Variants in MAN1C1 observed in about 807,000 individuals in gnomAD.
MAN1C1 encodes mannosidase alpha class 1C member 1.
In MAN1C1, 49 loss-of-function variants were observed where a neutral mutation model predicts 71.5. The observed-to-expected ratio is 0.69, with a 90% CI of 0.54 to 0.87. The LOEUF is 0.87. Among genes scored for constraint, MAN1C1 ranks in the 40% least tolerant of loss-of-function variants. MAN1C1 has a pLI of 0.00. For missense variants in MAN1C1, 743 were observed against 835.0 expected (o/e 0.89, Z 1.36); for synonymous variants, 352 against 343.7 (o/e 1.02, Z -0.27).
At chr1:25,660,176 C>T (rs142088892) in intron 1 of MAN1C1, among the ~76,000 whole-genome samples, 13,275 of 151,938 alleles carry the variant, frequency 0.087, 1,287 homozygotes, top group East Asian at 0.23. Flanking sequence ...CCAAGGTGGG[C>T]GGATCACCTG....
chr1:25,671,568 T>C (rs79720307), intron 1 of MAN1C1, among the ~76,000 whole-genome samples: 182 of 152,338 alleles, frequency 1.2e-3, no homozygotes, highest in Non-Finnish European at 2.3e-3. Context: ...TTCAGAATGC[T>C]GTTGCCTGTG....
In MAN1C1 at chr1:25,661,932, G is replaced by A. The variant is rs533827249; in HGVS notation, c.541-24508G>A. 3.9e-5 allele frequency among the ~76,000 whole-genome samples: 6 copies of A among 152,102 alleles called. No homozygotes were observed. In the South Asian group the frequency reaches 1.2e-3, roughly 32 times the overall value. On this transcript the variant is annotated intron_variant, in intron 1 of 11. Coordinates refer to ENST00000374332, the MANE Select transcript of MAN1C1 (RefSeq NM_020379.4). ...TAAACTGTAAAGCCAAATGATCTAC[G>A]GTCTCTCCCCTTGAGGAATTTTTTT...
At chr1:25,701,250 A>G (rs2046438613) in intron 2 of MAN1C1, among the ~76,000 whole-genome samples, 1 of 152,224 alleles carries the variant, frequency 6.6e-6, no homozygotes. Context: ...GCACCATGGG[A>G]AGGGTCCCTT....
intron 1 of MAN1C1, among the ~76,000 whole-genome samples, chr1:25,643,100 C>T (rs1353005305): frequency 6.6e-6 from 1 of 152,018 alleles, no homozygotes; most frequent in African/African-American, 2.4e-5. Flanking sequence ...TCCATTTCTG[C>T]CCATTCTCCC....
Position 25,618,296 on chromosome 1 carries a change from C to T in MAN1C1, c.499C>T (p.Pro167Ser), listed in dbSNP as rs1260752819. ...LGTRADESQEPQSQVRAQREK... is the reference protein window; with the variant it reads ...LGTRADESQESQSQVRAQREK... ...AACGAGGGCCGATGAGAGTCAGGAGCCCCAGAGCCAAGTGCGAGCCCAGCG... is the reference window on the plus strand; with the variant it reads ...AACGAGGGCCGATGAGAGTCAGGAGTCCCAGAGCCAAGTGCGAGCCCAGCG... The change falls in exon 1 of 12, where the codon CCC becomes TCC. Residue 167 changes from proline to serine, a missense_variant. By Grantham distance (74) the Pro-to-Ser change is moderately conservative (BLOSUM62 -1). Transcript: ENST00000374332. 2 of 1,603,344 alleles carry T rather than the reference C, an allele frequency of 1.2e-6. No homozygotes were observed. Among genetic ancestry groups the T allele is most frequent in the African/African-American group, 1.3e-5 (1 of 74,684 alleles).
In MAN1C1 at chr1:25,782,662, C is replaced by A; in HGVS notation, c.1728C>A (p.Asp576Glu). 6.2e-7 allele frequency: 1 copy of A among 1,614,100 alleles called. No individual in the cohort carries two copies. The highest frequency in any genetic ancestry group is 8.5e-7 in the Non-Finnish European group (1 of 1,179,992). Reference protein sequence around the residue: ...QDVYSSTPNHDNKQQSFFLAE... With the variant: ...QDVYSSTPNHENKQQSFFLAE... Reference sequence around the variant, plus strand: ...TGTACAGTAGCACCCCCAACCACGACAACAAGCAGCAGAGCTTCTTTCTAG... The same window carrying A: ...TGTACAGTAGCACCCCCAACCACGAAAACAAGCAGCAGAGCTTCTTTCTAG... Residue 576 changes from aspartate to glutamate, a missense_variant, in exon 11 of 12, where the codon GAC becomes GAA. Asp to Glu is a conservative substitution (Grantham distance 45). Transcript: ENST00000374332. The surrounding 1 kb of genome is among the most constrained non-coding windows in gnomAD (Gnocchi z 4.4).
chr1:25,736,676 G>A (rs72875673), intron 2 of MAN1C1, among the ~76,000 whole-genome samples: 2,713 of 152,232 alleles, frequency 0.018, 73 homozygotes, highest in African/African-American at 0.061. Flanking sequence ...ACAGGCACAT[G>A]CCCCTATGTC....
At chr1:25,718,566 CTT>C (rs540343369) in intron 2 of MAN1C1, among the ~76,000 whole-genome samples, 48 of 152,312 alleles carry the variant, frequency 3.2e-4, no homozygotes, top group Admixed American at 7.8e-4. Flanking sequence ...TAAAAAGAAA[CTT>C]TGTGCCCATC....
chr1:25,637,112 G>C (rs747453166), intron 1 of MAN1C1, among the ~76,000 whole-genome samples: 1 of 151,956 alleles, frequency 6.6e-6, no homozygotes, highest in Middle Eastern at 3.4e-3. Flanking sequence ...CTGAGATCGC[G>C]CCACTGCACT....
intron 5 of MAN1C1, among the ~76,000 whole-genome samples, chr1:25,757,287 G>C (rs1027102428): frequency 2.0e-5 from 3 of 152,184 alleles, no homozygotes; most frequent in Non-Finnish European, 4.4e-5. Context: ...AGTGTGACCA[G>C]GAGCAAGGAA....
At chr1:25,653,609 T>C (rs1008456779) in intron 1 of MAN1C1, among the ~76,000 whole-genome samples, 1 of 152,178 alleles carries the variant, frequency 6.6e-6, no homozygotes, top group Admixed American at 6.5e-5. Context: ...GGTATCAGTG[T>C]CCAGGGCCAA....
At chr1:25,657,764 C>T (rs2045788531) in intron 1 of MAN1C1, among the ~76,000 whole-genome samples, 1 of 152,202 alleles carries the variant, frequency 6.6e-6, no homozygotes. Flanking sequence ...CCCATGGGGG[C>T]TTTGGCCTCA....
intron 1 of MAN1C1, among the ~76,000 whole-genome samples, chr1:25,623,384 AGGG>A (rs2045244734): frequency 6.6e-6 from 1 of 152,106 alleles, no homozygotes; most frequent in Non-Finnish European, 1.5e-5. Flanking sequence ...CTTTAGTGTC[AGGG>A]CTAGAAACAA....
intron 1 of MAN1C1, among the ~76,000 whole-genome samples, chr1:25,682,469 C>G (rs956502281): frequency 6.6e-6 from 1 of 152,172 alleles, no homozygotes; most frequent in African/African-American, 2.4e-5. Flanking sequence ...TCCAAAAGAA[C>G]AGCCAGCCAC....
In MAN1C1 at chr1:25,771,534, G is replaced by A. The variant is rs928689790; in HGVS notation, c.1142-123G>A. The A allele has an allele frequency of 2.5e-5, 17 of 692,082 alleles. No homozygotes were observed. In the Middle Eastern group the frequency reaches 1.2e-3, roughly 49 times the overall value. 42.9% of individuals were successfully genotyped at this position (692,082 alleles called of 1,614,324 possible). A position where few individuals can be genotyped will look rare whatever the true frequency, so the allele number is the denominator to read the frequency against. ...CATTCCAGGTTCGGTGGCTGCTGGCGAGATGCCCGCTTCCTACCCGTACAG... is the reference window on the plus strand; with the variant it reads ...CATTCCAGGTTCGGTGGCTGCTGGCAAGATGCCCGCTTCCTACCCGTACAG... On this transcript the variant is annotated intron_variant, in intron 7 of 11. Coordinates refer to ENST00000374332, the MANE Select transcript of MAN1C1 (RefSeq NM_020379.4).
chr1:25,676,322 C>G (rs909129122), intron 1 of MAN1C1, among the ~76,000 whole-genome samples: 5 of 152,106 alleles, frequency 3.3e-5, no homozygotes, highest in African/African-American at 1.2e-4. Flanking sequence ...GGCAGCATCT[C>G]CCCTTCTACT....
In MAN1C1 at chr1:25,722,031, C is replaced by T. The variant is rs189444315; in HGVS notation, c.638-24637C>T. ...AAACTGAAACTCTATTCTACTCTCA[C>T]GCTTAATCGATAATTAGGCTGAATA... On this transcript the variant is annotated intron_variant, in intron 2 of 11. Transcript: ENST00000374332. Among the ~76,000 whole-genome samples the T allele has an allele frequency of 1.7e-3, 253 of 152,298 alleles. 1 individual carries two copies. The highest frequency in any genetic ancestry group is 0.012 in the Admixed American group (183 of 15,304).
At chr1:25,770,472 G>A (rs1429999621) in intron 7 of MAN1C1, among the ~76,000 whole-genome samples, 1 of 152,116 alleles carries the variant, frequency 6.6e-6, no homozygotes, top group Non-Finnish European at 1.5e-5. Flanking sequence ...ACGTATCTCT[G>A]TCTTCACTCT....
intron 6 of MAN1C1, chr1:25,761,425 G>A (rs765714372): frequency 2.0e-5 from 3 of 151,958 alleles, no homozygotes; most frequent in Non-Finnish European, 2.9e-5. Flanking sequence ...GAATACTTAA[G>A]CATTCTGAAT....
Sources: gnomAD v4.1 joint callset for allele counts (sites outside exome capture counted in the v4.1 genomes callset) on GRCh38, gnomAD v4.1.1 for gene constraint, Gnocchi (gnomAD v3.1) non-coding constraint, MANE v1.5 for transcripts, NCBI Gene and HGNC (gene_info 2026-07-23, HGNC 2026-07-21) for gene names.